Variants in PACS1 observed in about 807,000 individuals in gnomAD.
The protein encoded by PACS1 is phosphofurin acidic cluster sorting protein 1.
In PACS1, 24 loss-of-function variants were observed where a neutral mutation model predicts 115.0. The observed-to-expected ratio is 0.21, with a 90% CI of 0.15 to 0.29. PACS1 has a LOEUF of 0.29. PACS1 is among the 10% of genes least tolerant of loss of function. The pLI is 1.00. For missense variants in PACS1, 838 were observed against 1,251.2 expected (o/e 0.67, Z 4.98); for synonymous variants, 453 against 504.5 (o/e 0.90, Z 1.37).
At chr11:66,079,271 C>T (rs184905402) in intron 1 of PACS1, among the ~76,000 whole-genome samples, 11 of 133,434 alleles carry the variant, frequency 8.2e-5, no homozygotes, top group African/African-American at 3.1e-4. Context: ...TTCTTTTGTT[C>T]CTCTTGGTAG....
At chr11:66,198,024 C>T (rs565566616) in intron 2 of PACS1, among the ~76,000 whole-genome samples, 1 of 152,266 alleles carries the variant, frequency 6.6e-6, no homozygotes, top group South Asian at 2.1e-4. Context: ...ATGCCATCTC[C>T]CTCATACACT....
intron 1 of PACS1, among the ~76,000 whole-genome samples, chr11:66,177,807 T>C (rs1859905923): frequency 6.6e-6 from 1 of 152,060 alleles, no homozygotes; most frequent in Non-Finnish European, 1.5e-5. Flanking sequence ...AGACACGGGG[T>C]CTCACATTGC....
intron 1 of PACS1, among the ~76,000 whole-genome samples, chr11:66,185,319 G>A (rs911039199): frequency 2.0e-5 from 3 of 152,144 alleles, no homozygotes; most frequent in Admixed American, 6.5e-5. Context: ...GCTGAGTAAC[G>A]TGGGATCCTC....
intron 1 of PACS1, among the ~76,000 whole-genome samples, chr11:66,105,887 G>C (rs1250019557): frequency 1.3e-5 from 2 of 152,152 alleles, no homozygotes; most frequent in Non-Finnish European, 2.9e-5. Context: ...CCTGAATTGG[G>C]TTTACAAGCT....
At chr11:66,229,078 T>C (rs1365531080) in intron 11 of PACS1, among the ~76,000 whole-genome samples, 1 of 151,590 alleles carries the variant, frequency 6.6e-6, no homozygotes, top group Non-Finnish European at 1.5e-5. Context: ...GAGGCCCCAC[T>C]AAAGAATCAG....
At chr11:66,232,390 C>A in intron 14 of PACS1, 114 bp downstream of exon 14, 1 of 641,638 alleles carries the variant, frequency 1.6e-6, no homozygotes, top group South Asian at 1.8e-5. Context: ...CTCACCCCTC[C>A]ATCAGCCCCC....
chr11:66,149,843 A>C (rs182253117), intron 1 of PACS1, among the ~76,000 whole-genome samples: 229 of 152,116 alleles, frequency 1.5e-3, no homozygotes, highest in African/African-American at 5.4e-3. Context: ...TCTGCCTCCC[A>C]GGTTCAAGCA....
chr11:66,167,886 T>G (rs1369339219), intron 1 of PACS1, among the ~76,000 whole-genome samples: 1 of 150,396 alleles, frequency 6.6e-6, no homozygotes, highest in Non-Finnish European at 1.5e-5. Flanking sequence ...GTGCTTCAAC[T>G]ACTGTTTCTT....
intron 4 of PACS1, among the ~76,000 whole-genome samples, chr11:66,212,436 C>G (rs527732900): frequency 1.5e-5 from 2 of 132,128 alleles, no homozygotes; most frequent in African/African-American, 5.5e-5. Context: ...CTGGCCTTAA[C>G]TTTTTTTTTT....
At position 66,239,115 on chromosome 11, in the gene PACS1, CTG is replaced by C. The variant is rs777750679; in HGVS notation, c.2294-23_2294-22del. On this transcript the variant is annotated intron_variant, in intron 20 of 23. Coordinates refer to ENST00000320580, the MANE Select transcript of PACS1 (RefSeq NM_018026.4). Reference sequence around the variant, plus strand: ...GTCAGAGATAGCTTCCTCTGGCCAACTGTGTTTGTCGTTTGTCCCCTGACAGG... The same window carrying C: ...GTCAGAGATAGCTTCCTCTGGCCAACTGTTTGTCGTTTGTCCCCTGACAGG... 2.5e-6 allele frequency: 4 copies of C among 1,613,968 alleles called. No homozygotes were observed. In the African/African-American group the frequency reaches 5.3e-5, roughly 22 times the overall value.
chr11:66,174,105 A>G (rs1453175193), intron 1 of PACS1, among the ~76,000 whole-genome samples: 1 of 152,238 alleles, frequency 6.6e-6, no homozygotes, highest in Non-Finnish European at 1.5e-5. Context: ...AGATATGCCA[A>G]ATAAACACTT....
chr11:66,156,254 A>ATATATATATATATAT (rs1491402806), intron 1 of PACS1, among the ~76,000 whole-genome samples: 2 of 82,184 alleles, frequency 2.4e-5, no homozygotes, highest in African/African-American at 4.9e-5. Flanking sequence ...ATATATATAT[A>ATATATATATATATAT]GTTTTTTTTT....
chr11:66,156,965 T>C (rs1291123034), intron 1 of PACS1, among the ~76,000 whole-genome samples: 1 of 152,230 alleles, frequency 6.6e-6, no homozygotes, highest in Non-Finnish European at 1.5e-5. Flanking sequence ...AACCTCTTTC[T>C]TGTTCAGGTA....
At chr11:66,149,237 G>A (rs1007049218) in intron 1 of PACS1, among the ~76,000 whole-genome samples, 2 of 151,692 alleles carry the variant, frequency 1.3e-5, no homozygotes, top group East Asian at 2.0e-4. Flanking sequence ...GATTACAGGC[G>A]TGCGCCACCA....
At chr11:66,134,710 G>C (rs1460028475) in intron 1 of PACS1, among the ~76,000 whole-genome samples, 1 of 151,964 alleles carries the variant, frequency 6.6e-6, no homozygotes, top group African/African-American at 2.4e-5. Context: ...GCGTTGTTCT[G>C]ACCGATGGTG....
intron 1 of PACS1, among the ~76,000 whole-genome samples, chr11:66,191,082 G>A (rs1338505487): frequency 2.0e-5 from 3 of 152,208 alleles, no homozygotes; most frequent in Non-Finnish European, 4.4e-5. Context: ...TGGGCAGCAC[G>A]GAAGGTGTGG....
At chr11:66,119,351 A>G (rs1233922855) in intron 1 of PACS1, among the ~76,000 whole-genome samples, 1 of 152,362 alleles carries the variant, frequency 6.6e-6, no homozygotes, top group East Asian at 1.9e-4. Flanking sequence ...TCGTTTGTAT[A>G]TGGTCTGTGG....
chr11:66,168,329 T>C (rs1007660863), intron 1 of PACS1, among the ~76,000 whole-genome samples: 2 of 150,746 alleles, frequency 1.3e-5, no homozygotes, highest in Admixed American at 6.6e-5. Flanking sequence ...GTGTCTCTTG[T>C]GCATGAACAT....
At chr11:66,183,011 T>C (rs1860043013) in intron 1 of PACS1, among the ~76,000 whole-genome samples, 1 of 152,056 alleles carries the variant, frequency 6.6e-6, no homozygotes, top group Non-Finnish European at 1.5e-5. Flanking sequence ...GCACCTGTGG[T>C]CCCAGCTACT....
Sources: allele counts gnomAD v4.1 joint callset (sites outside exome capture counted in the v4.1 genomes callset), GRCh38; gene constraint gnomAD v4.1.1; transcripts MANE v1.5; gene names NCBI Gene and HGNC (gene_info 2026-07-23, HGNC 2026-07-21).